Variants in DYNC2H1 observed in about 807,000 individuals in gnomAD.
The protein encoded by DYNC2H1 is cytoplasmic dynein 2 heavy chain 1.
DYNC2H1 carries 410 observed loss-of-function variants against 570.0 expected under a neutral mutation model. That is an observed-to-expected ratio of 0.72 (90% CI 0.66 to 0.78). The LOEUF (loss-of-function observed/expected upper bound fraction) is 0.78, where lower values mean the gene tolerates loss of function less well. DYNC2H1 is among the 30% of genes least tolerant of loss of function. The pLI, the probability that DYNC2H1 is intolerant of heterozygous loss-of-function variation, is 0.00. For missense variants in DYNC2H1, 4,865 were observed against 5,046.4 expected, an observed-to-expected ratio of 0.96 and a Z score of 1.09; for synonymous variants, 1,688 against 1,677.6, an observed-to-expected ratio of 1.01 and a Z score of -0.15.
intron 86 of DYNC2H1, among the ~76,000 whole-genome samples, 176 bp from the exon 87 acceptor site, chr11:103,456,099 G>A (rs1021960126): frequency 6.6e-6 from 1 of 152,074 alleles, no homozygotes; most frequent in East Asian, 1.9e-4. Flanking sequence ...GAGACTGACA[G>A]TTAGCTTTGA....
Position 103,181,027 on chromosome 11 carries a change from A to G in DYNC2H1, c.6348-730A>G, listed in dbSNP as rs1179301438. Reference sequence around the variant, plus strand: ...TAAAATAATATGAATTATTTTTACTATAGTTTTTTATAATTATATAAGGTA... The same window carrying G: ...TAAAATAATATGAATTATTTTTACTGTAGTTTTTTATAATTATATAAGGTA... On this transcript the variant is annotated intron_variant, in intron 39 of 88. Coordinates refer to ENST00000375735, the MANE Select transcript of DYNC2H1 (RefSeq NM_001377.3). This position sits in a 1 kb window ranked among gnomAD's most constrained non-coding sequence, Gnocchi z 5.0. 1.3e-5 allele frequency among the ~76,000 whole-genome samples: 2 copies of G among 151,512 alleles called. No individual in the cohort carries two copies. Among genetic ancestry groups the G allele is most frequent in the African/African-American group, 2.4e-5 (1 of 41,468 alleles).
At chr11:103,179,300 G>T in intron 39 of DYNC2H1, 67 bp downstream of exon 39, 1 of 1,408,816 alleles carries the variant, frequency 7.1e-7, no homozygotes, top group Non-Finnish European at 9.7e-7. Flanking sequence ...TTCATATTAA[G>T]TAAAATAAGT....
At chr11:103,118,205 A>G (rs1192539240) in intron 6 of DYNC2H1, among the ~76,000 whole-genome samples, 1 of 152,140 alleles carries the variant, frequency 6.6e-6, no homozygotes, top group Non-Finnish European at 1.5e-5. Context: ...GAAATATTTG[A>G]AACAATTGCT....
At chr11:103,142,333 T>A (rs1448389013) in intron 17 of DYNC2H1, among the ~76,000 whole-genome samples, 1 of 152,160 alleles carries the variant, frequency 6.6e-6, no homozygotes, top group Non-Finnish European at 1.5e-5. Context: ...TGGGAGCTGT[T>A]CCTATTTGGC....
intron 84 of DYNC2H1, among the ~76,000 whole-genome samples, chr11:103,434,603 T>G (rs1216065912): frequency 6.6e-6 from 1 of 152,072 alleles, no homozygotes; most frequent in Non-Finnish European, 1.5e-5. Context: ...CTGCCTCTGG[T>G]GTATCAAAAT....
rs901522422 is a variant in DYNC2H1, at chr11:103,204,714, C to T, written c.8312-108C>T. 16 of 746,316 alleles carry T rather than the reference C, an allele frequency of 2.1e-5. No individual in the cohort carries two copies. Among genetic ancestry groups the T allele is most frequent in the African/African-American group, 1.3e-4 (7 of 54,232 alleles). 46.2% of individuals were successfully genotyped at this position (746,316 alleles called of 1,614,324 possible). On this transcript the variant is annotated intron_variant, in intron 51 of 88. Coordinates refer to ENST00000375735, the MANE Select transcript of DYNC2H1 (RefSeq NM_001377.3). This position sits in a 1 kb window ranked among gnomAD's most constrained non-coding sequence, Gnocchi z 4.1. Reference sequence around the variant, plus strand: ...ACATAATATTGTTTTATATTGTGCTCGTTTTAAGAAACAACTCCTACTATT... The same window carrying T: ...ACATAATATTGTTTTATATTGTGCTTGTTTTAAGAAACAACTCCTACTATT...
At chr11:103,140,932 C>G (rs1298196553) in intron 17 of DYNC2H1, among the ~76,000 whole-genome samples, 2 of 151,958 alleles carry the variant, frequency 1.3e-5, no homozygotes, top group South Asian at 2.1e-4. Context: ...TCTAAACTTC[C>G]CTTCTCGGTT....
intron 85 of DYNC2H1, among the ~76,000 whole-genome samples, chr11:103,452,014 C>T (rs77016246): frequency 0.012 from 1,857 of 152,066 alleles, 30 homozygotes; most frequent in African/African-American, 0.042. Context: ...TGTATAATCT[C>T]ACCCCTTTTT....
chr11:103,450,244 A>C (rs1283274739), intron 85 of DYNC2H1, among the ~76,000 whole-genome samples: 1 of 152,258 alleles, frequency 6.6e-6, no homozygotes, highest in Non-Finnish European at 1.5e-5. Flanking sequence ...AAATAGATAA[A>C]TCCAGAATTA....
chr11:103,339,022 A>C (rs1939302974), intron 82 of DYNC2H1, among the ~76,000 whole-genome samples: 1 of 152,192 alleles, frequency 6.6e-6, no homozygotes, highest in African/African-American at 2.4e-5. Flanking sequence ...TAGCTACTAC[A>C]GCCATTTTAG....
chr11:103,189,480 T>G lies in DYNC2H1; in HGVS notation c.7293-192T>G, dbSNP rs144106026. The stretch of plus-strand genomic sequence containing the variant: ...CTTCTGGTATTTGACAATAGATATT[T>G]CGGGATCGAATTTGGTTGAAATGAG... On this transcript the variant is annotated intron_variant, in intron 44 of 88. Coordinates refer to ENST00000375735, the MANE Select transcript of DYNC2H1 (RefSeq NM_001377.3). This position sits in a 1 kb window ranked among gnomAD's most constrained non-coding sequence, Gnocchi z 4.3. Among the ~76,000 whole-genome samples the G allele has an allele frequency of 0.01, 1,555 of 152,226 alleles. 26 individuals carry two copies. Among genetic ancestry groups the G allele is most frequent in the African/African-American group, 0.036 (1,485 of 41,534 alleles).
At chr11:103,314,715 G>A (rs997014788) in intron 79 of DYNC2H1, among the ~76,000 whole-genome samples, 6 of 151,738 alleles carry the variant, frequency 4.0e-5, no homozygotes, top group Middle Eastern at 3.4e-3. Context: ...TCATAACACT[G>A]GAGGTAAATG....
intron 54 of DYNC2H1, among the ~76,000 whole-genome samples, chr11:103,213,545 C>T (rs1021238990): frequency 1.3e-5 from 2 of 150,904 alleles, no homozygotes; most frequent in Non-Finnish European, 2.9e-5. Flanking sequence ...TATTTTGATT[C>T]ATACAAGAAT....
chr11:103,175,820 AG>A (rs1407131971), intron 36 of DYNC2H1, among the ~76,000 whole-genome samples: 11 of 152,218 alleles, frequency 7.2e-5, no homozygotes, highest in Non-Finnish European at 2.9e-5. Flanking sequence ...CTTTTCTGAA[AG>A]TCACTTAAAC....
At position 103,257,747 on chromosome 11, in the gene DYNC2H1, A is replaced by G; in HGVS notation, c.10601A>G (p.Lys3534Arg). Residue 3534 changes from lysine (K) to arginine (R), a missense_variant, in exon 69 of 89, where the codon AAA (lysine) becomes AGA (arginine). Around this residue, in one of 5 missense-constraint regions of DYNC2H1, gnomAD observed 2,401 missense variants for 2,454.6 expected, o/e 0.98. Transcript: ENST00000375735. ...LRLFQRALQNKQDSENTEQRI... is the reference protein window; with the variant it reads ...LRLFQRALQNRQDSENTEQRI... Reference sequence around the variant, plus strand: ...CTTTTCCAACGAGCTCTACAAAACAAACAGGTAAGCTGTTGGATACCCTGT... The same window carrying G: ...CTTTTCCAACGAGCTCTACAAAACAGACAGGTAAGCTGTTGGATACCCTGT... 1 of 1,589,308 alleles carries G rather than the reference A, an allele frequency of 6.3e-7. No individual in the cohort carries two copies. The highest frequency in any genetic ancestry group is 1.2e-5 in the South Asian group (1 of 86,830).
chr11:103,479,176 A>G lies in DYNC2H1; in HGVS notation c.12847A>G (p.Asn4283Asp), dbSNP rs772458795. Residue 4283 changes from asparagine (N) to aspartate (D), a missense_variant, in exon 89 of 89, where the codon AAT (asparagine) becomes GAT (aspartate). Asn to Asp is a conservative substitution (Grantham distance 23, BLOSUM62 1). Transcript: ENST00000375735. ...TSAERDRVVT[N>D]IDVPCGGNQD... ...TGCTGAAAGGGATCGTGTGGTTACC[A>G]ATATTGATGTTCCATGTGGGGGCAA... 1.2e-6 allele frequency: 2 copies of G among 1,613,742 alleles called. No individual in the cohort carries two copies. Among genetic ancestry groups the G allele is most frequent in the East Asian group, 2.2e-5 (1 of 44,874 alleles).
chr11:103,123,108 C>T, intron 11 of DYNC2H1, 108 bp downstream of exon 11: 1 of 936,252 alleles, frequency 1.1e-6, no homozygotes, highest in Non-Finnish European at 1.4e-6. Flanking sequence ...GCTACTCCTC[C>T]TGTAATTTTT....
chr11:103,323,788 T>TA, intron 81 of DYNC2H1, 98 bp from the exon 82 acceptor site: 1 of 917,586 alleles, frequency 1.1e-6, no homozygotes, highest in East Asian at 2.8e-5. Context: ...AAAATACAAA[T>TA]AATAATTGAA....
chr11:103,420,232 C>G (rs920540303), intron 84 of DYNC2H1, among the ~76,000 whole-genome samples: 3 of 151,988 alleles, frequency 2.0e-5, no homozygotes, highest in Admixed American at 1.3e-4. Flanking sequence ...AGGATATCAT[C>G]CAGGAGAACT....
Sources: gnomAD v4.1 joint callset for allele counts (sites outside exome capture counted in the v4.1 genomes callset) on GRCh38, gnomAD v4.1.1 for gene constraint, gnomAD v4.1.1 regional missense constraint, Gnocchi (gnomAD v3.1) non-coding constraint, MANE v1.5 for transcripts, NCBI Gene and HGNC (gene_info 2026-07-23, HGNC 2026-07-21) for gene names.